The following PARG variants were observed in gnomAD, a reference collection of about 807,000 sequenced individuals.
PARG encodes poly(ADP-ribose) glycohydrolase.
A neutral mutation model predicts 113.0 loss-of-function variants in PARG; 35 were observed. The ratio of observed to expected loss-of-function variants is 0.31; its 90% CI spans 0.24 to 0.41. The LOEUF (loss-of-function observed/expected upper bound fraction) is 0.41. Among genes scored for constraint, PARG ranks in the 10% least tolerant of loss-of-function variants. PARG has a pLI of 1.00. For synonymous variants in PARG, 330 were observed against 409.9 expected (o/e 0.81, Z 2.36); for missense variants, 797 against 1,169.4 (o/e 0.68, Z 4.64).
intron 13 of PARG, among the ~76,000 whole-genome samples, chr10:49,852,823 C>T (rs2132500123): frequency 6.6e-6 from 1 of 150,846 alleles, no homozygotes; most frequent in East Asian, 2.0e-4. Context: ...CCTCGGCCTC[C>T]CAAAGTGCTG....
intron 15 of PARG, among the ~76,000 whole-genome samples, chr10:49,838,117 T>C (rs1410923486): frequency 6.6e-6 from 1 of 152,196 alleles, no homozygotes; most frequent in Non-Finnish European, 1.5e-5. Flanking sequence ...GTAGTCTCTA[T>C]GTGCAGGATT....
chr10:49,879,564 G>C (rs1490943650), intron 9 of PARG, 109 bp downstream of exon 9: 4 of 649,920 alleles, frequency 6.2e-6, no homozygotes, highest in Non-Finnish European at 1.1e-5. Flanking sequence ...AATTAAATAA[G>C]ACAACTGCAT....
rs1227373916 is a variant in PARG, at chr10:49,896,293, G to GT, written c.1738-10999dup. ...AGTTTTGTTATTGTTGTTTTGTTTT[G>GT]TTTTTTTTCTGGAGACAGTCTTGCT... On this transcript the variant is annotated intron_variant, in intron 7 of 17. Coordinates refer to ENST00000616448, the MANE Select transcript of PARG (RefSeq NM_003631.5). Among the ~76,000 whole-genome samples, 16 of 151,780 alleles carry GT rather than the reference G, an allele frequency of 1.1e-4. 1 individual carries two copies. In the South Asian group the frequency reaches 2.1e-3, roughly 20 times the overall value.
At chr10:49,820,462 C>A (rs545310037) in intron 16 of PARG, among the ~76,000 whole-genome samples, 169 bp from the exon 17 acceptor site, 188 of 152,216 alleles carry the variant, frequency 1.2e-3, no homozygotes, top group African/African-American at 4.4e-3. Context: ...TGCCTCACAC[C>A]TGTAATCCCA....
At chr10:49,889,334 G>A (rs1847655301) in intron 7 of PARG, among the ~76,000 whole-genome samples, 1 of 152,150 alleles carries the variant, frequency 6.6e-6, no homozygotes, top group South Asian at 2.1e-4. Flanking sequence ...CAGGCTTTCT[G>A]TGATACTGTG....
intron 9 of PARG, among the ~76,000 whole-genome samples, chr10:49,876,856 T>C (rs1451735596): frequency 6.6e-6 from 1 of 151,126 alleles, no homozygotes; most frequent in Non-Finnish European, 1.5e-5. Flanking sequence ...AAAAACAAAC[T>C]TACCTACTGT....
In PARG at chr10:49,828,092, C is replaced by CAAAAAAAAAAAAAAAAAAA. The variant is rs71026274; in HGVS notation, c.2647+4692_2647+4710dup. 1.6e-4 allele frequency among the ~76,000 whole-genome samples: 8 copies of CAAAAAAAAAAAAAAAAAAA among 50,368 alleles called. 2 individuals are homozygous for CAAAAAAAAAAAAAAAAAAA. The highest frequency in any genetic ancestry group is 3.3e-4 in the Admixed American group (1 of 3,058). The allele number at this position is 50,368 out of a possible 152,430, so 33.0% of individuals were successfully genotyped here. On this transcript the variant is annotated intron_variant, in intron 16 of 17. Coordinates refer to ENST00000616448, the MANE Select transcript of PARG (RefSeq NM_003631.5). ...TGAGACGAGATGTAGAAAGCTTAAA[C>CAAAAAAAAAAAAAAAAAAA]AAAAAAAAAAAAAAAAAAAAAAAAA...
At chr10:49,889,494 T>C (rs1847662635) in intron 7 of PARG, among the ~76,000 whole-genome samples, 1 of 152,156 alleles carries the variant, frequency 6.6e-6, no homozygotes, top group South Asian at 2.1e-4. Flanking sequence ...CCCCACTAGG[T>C]CTTTACTGAT....
At chr10:49,914,571 GT>G (rs1554847100) in intron 7 of PARG, among the ~76,000 whole-genome samples, 2 of 152,258 alleles carry the variant, frequency 1.3e-5, no homozygotes, top group East Asian at 1.9e-4. Context: ...TAGCACCTAG[GT>G]TTTTTGCAGA....
chr10:49,841,022 C>T (rs968955633), intron 15 of PARG, among the ~76,000 whole-genome samples: 1 of 152,146 alleles, frequency 6.6e-6, no homozygotes, highest in African/African-American at 2.4e-5. Flanking sequence ...GAGGCTGTGG[C>T]GGGCAGGATC....
intron 7 of PARG, among the ~76,000 whole-genome samples, chr10:49,915,541 T>A (rs1837424982): frequency 6.6e-6 from 1 of 152,020 alleles, no homozygotes. Context: ...AGAAACAATA[T>A]CAAATATGGG....
At chr10:49,927,369 G>GGAAA (rs200282973) in intron 4 of PARG, among the ~76,000 whole-genome samples, 6,077 of 130,608 alleles carry the variant, frequency 0.047, 235 homozygotes, top group African/African-American at 0.096. Flanking sequence ...AAGGAAAGAA[G>GGAAA]GAAAGAAAGA....
chr10:49,902,776 A>C (rs1319124862), intron 7 of PARG, among the ~76,000 whole-genome samples: 1 of 152,164 alleles, frequency 6.6e-6, no homozygotes, highest in Non-Finnish European at 1.5e-5. Context: ...GGATCGCTTA[A>C]GGGCAAGTGT....
intron 15 of PARG, among the ~76,000 whole-genome samples, chr10:49,837,336 C>T (rs546929281): frequency 2.7e-5 from 4 of 150,826 alleles, no homozygotes; most frequent in South Asian, 4.2e-4. Flanking sequence ...TTTACTTTTT[C>T]GCGTAGAAAA....
At chr10:49,927,327 A>C (rs1838229548) in intron 4 of PARG, among the ~76,000 whole-genome samples, 1 of 138,562 alleles carries the variant, frequency 7.2e-6, no homozygotes, top group South Asian at 2.3e-4. Context: ...AGAAAGAAAG[A>C]AGGAAAGAAG....
At chr10:49,878,083 G>C (rs1213935158) in intron 9 of PARG, among the ~76,000 whole-genome samples, 1 of 151,964 alleles carries the variant, frequency 6.6e-6, no homozygotes, top group African/African-American at 2.4e-5. Context: ...CACTGAGAAG[G>C]ACACAGGATC....
In PARG at chr10:49,941,806, C is replaced by T; in HGVS notation, c.-81G>A. 2.0e-6 allele frequency: 3 copies of T among 1,534,992 alleles called. No individual in the cohort carries two copies. The highest frequency in any genetic ancestry group is 3.5e-4 in the Middle Eastern group (2 of 5,750). ...CTAACCCTGAGAGAGATGGACTGCG[C>T]CTCCTTCTCAGCGCCTGCCTGCACC... On this transcript the variant is annotated 5_prime_UTR_variant, in exon 1 of 18. Coordinates refer to ENST00000616448, the MANE Select transcript of PARG (RefSeq NM_003631.5).
rs1449816502 is a variant in PARG at position 49,858,481 on chromosome 10, GTGTTCTC to G, written c.2206-1035_2206-1029del. ...AAATATACGATTTCTTAAAACTTCA[GTGTTCTC>G]TAAAGCAACTGATACTAAATGACAA... On this transcript the variant is annotated intron_variant, in intron 12 of 17. Transcript: ENST00000616448. Among the ~76,000 whole-genome samples the G allele has an allele frequency of 4.3e-3, 479 of 111,724 alleles. 2 individuals carry two copies. Among genetic ancestry groups the G allele is most frequent in the Middle Eastern group, 0.022 (5 of 224 alleles). The allele number at this position is 111,724 out of a possible 152,430, so 73.3% of individuals were successfully genotyped here.
At chr10:49,910,407 C>T (rs1837107290) in intron 7 of PARG, among the ~76,000 whole-genome samples, 1 of 152,224 alleles carries the variant, frequency 6.6e-6, no homozygotes, top group Non-Finnish European at 1.5e-5. Flanking sequence ...ATCACAGCAA[C>T]AAAATCATTC....
Sources: gnomAD v4.1 joint callset for allele counts (sites outside exome capture counted in the v4.1 genomes callset) on GRCh38, gnomAD v4.1.1 for gene constraint, MANE v1.5 for transcripts, NCBI Gene and HGNC (gene_info 2026-07-23, HGNC 2026-07-21) for gene names.